PRKCA: variants seen among roughly 807,000 people sequenced by gnomAD.
PRKCA encodes the protein protein kinase C alpha, also known as protein kinase C alpha type.
A neutral mutation model predicts 87.0 loss-of-function variants in PRKCA; 27 were observed. That is an observed-to-expected ratio of 0.31 (90% CI 0.23 to 0.43). PRKCA has a LOEUF of 0.43. PRKCA is among the 20% of genes least tolerant of loss of function. The probability of loss-of-function intolerance (pLI) is 1.00; values close to 1 mark genes in which losing one functional copy is unlikely to be tolerated. For synonymous variants in PRKCA, 329 were observed against 311.1 expected (o/e 1.06, Z -0.61); for missense variants, 518 against 852.3 (o/e 0.61, Z 4.88).
Position 66,753,256 on chromosome 17 carries a change from G to A in PRKCA, c.1524+10496G>A, listed in dbSNP as rs538562238. ...AATGCCCACTCACAGCCTGCTCTCC[G>A]ACCCCTTTTAGACAACAACCTGGGT... On this transcript the variant is annotated intron_variant, in intron 13 of 16. Coordinates refer to ENST00000413366, the MANE Select transcript of PRKCA (RefSeq NM_002737.3). 2.7e-3 allele frequency among the ~76,000 whole-genome samples: 415 copies of A among 152,274 alleles called. 5 individuals carry two copies. Among genetic ancestry groups the A allele is most frequent in the Non-Finnish European group, 2.5e-3 (172 of 68,034 alleles).
At chr17:66,478,297 C>A (rs767462749) in intron 2 of PRKCA, among the ~76,000 whole-genome samples, 3 of 152,012 alleles carry the variant, frequency 2.0e-5, no homozygotes, top group Non-Finnish European at 4.4e-5. Context: ...TCTTGTTGCC[C>A]AGACTGGAGT....
rs564553927 is a variant in PRKCA at position 66,469,330 on chromosome 17, G to A, written c.206-26871G>A. ...CCTGAGTGATTATTTGTTTAGTGTAGGAGTAAATATGAGGGGTGCTGTGTT... is the reference window on the plus strand; with the variant it reads ...CCTGAGTGATTATTTGTTTAGTGTAAGAGTAAATATGAGGGGTGCTGTGTT... On this transcript the variant is annotated intron_variant, in intron 2 of 16. Transcript: ENST00000413366. 2.0e-5 allele frequency among the ~76,000 whole-genome samples: 3 copies of A among 152,244 alleles called. No individual in the cohort carries two copies. The South Asian group carries it at 6.2e-4, about 32-fold the overall frequency.
chr17:66,691,046 C>T (rs1010308869), intron 8 of PRKCA, among the ~76,000 whole-genome samples: 1 of 151,654 alleles, frequency 6.6e-6, no homozygotes, highest in Admixed American at 6.6e-5. Context: ...TGAACCTGGG[C>T]ACGAGAATCA....
chr17:66,576,746 G>C (rs1309127839), intron 3 of PRKCA, among the ~76,000 whole-genome samples: 1 of 152,150 alleles, frequency 6.6e-6, no homozygotes, highest in Admixed American at 6.5e-5. Flanking sequence ...GCCTGTTCCT[G>C]TCTCCTGAGT....
intron 2 of PRKCA, among the ~76,000 whole-genome samples, chr17:66,383,625 T>C (rs1201396666): frequency 1.3e-5 from 2 of 152,188 alleles, no homozygotes; most frequent in East Asian, 3.8e-4. Flanking sequence ...ATTGCGATAG[T>C]TTCAACTTTC....
At chr17:66,341,733 T>C (rs1907055025) in intron 2 of PRKCA, among the ~76,000 whole-genome samples, 1 of 152,200 alleles carries the variant, frequency 6.6e-6, no homozygotes, top group African/African-American at 2.4e-5. Context: ...AGCTTAGAAT[T>C]TGAGATTGAA....
At chr17:66,721,780 G>A (rs937919126) in intron 8 of PRKCA, among the ~76,000 whole-genome samples, 2 of 152,128 alleles carry the variant, frequency 1.3e-5, no homozygotes, top group Non-Finnish European at 2.9e-5. Flanking sequence ...GGTCTTTATG[G>A]TCTGTACCTT....
chr17:66,574,449 T>C (rs1678240632), intron 3 of PRKCA, among the ~76,000 whole-genome samples: 1 of 152,130 alleles, frequency 6.6e-6, no homozygotes, highest in African/African-American at 2.4e-5. Flanking sequence ...TACAATGTAA[T>C]TTAATATGCA....
chr17:66,742,842 C>T (rs948493405), intron 13 of PRKCA, 82 bp downstream of exon 13: 25 of 1,483,496 alleles, frequency 1.7e-5, no homozygotes, highest in South Asian at 3.8e-5. Context: ...GGGTCACTGG[C>T]GAATCATGAA....
At chr17:66,374,419 G>A (rs1235049314) in intron 2 of PRKCA, among the ~76,000 whole-genome samples, 1 of 152,178 alleles carries the variant, frequency 6.6e-6, no homozygotes, top group Admixed American at 6.5e-5. Flanking sequence ...GTGCTATCAA[G>A]GTCACACGGG....
At chr17:66,399,892 T>A (rs945090642) in intron 2 of PRKCA, among the ~76,000 whole-genome samples, 4 of 152,138 alleles carry the variant, frequency 2.6e-5, no homozygotes, top group Admixed American at 2.6e-4. Flanking sequence ...AGATTGGGGA[T>A]TTTTTTAGAT....
intron 2 of PRKCA, among the ~76,000 whole-genome samples, chr17:66,452,897 A>G (rs1914394417): frequency 6.6e-6 from 1 of 152,188 alleles, no homozygotes; most frequent in African/African-American, 2.4e-5. Flanking sequence ...AACAAAACAC[A>G]TAACTAGAAA....
At chr17:66,388,837 C>T (rs1309191290) in intron 2 of PRKCA, among the ~76,000 whole-genome samples, 1 of 152,132 alleles carries the variant, frequency 6.6e-6, no homozygotes, top group Non-Finnish European at 1.5e-5. Context: ...GACAGTGTAC[C>T]AGAAGTCATT....
chr17:66,632,287 G>C (rs1971037787), intron 3 of PRKCA, among the ~76,000 whole-genome samples: 2 of 152,188 alleles, frequency 1.3e-5, no homozygotes, highest in Admixed American at 1.3e-4. Context: ...AACCTAATCT[G>C]TCCCCACACT....
At chr17:66,744,862 A>G (rs1974237591) in intron 13 of PRKCA, among the ~76,000 whole-genome samples, 1 of 152,184 alleles carries the variant, frequency 6.6e-6, no homozygotes, top group South Asian at 2.1e-4. Flanking sequence ...CTTTTCCAAC[A>G]TCAAGAGGCC....
At chr17:66,657,716 C>G (rs973534618) in intron 5 of PRKCA, among the ~76,000 whole-genome samples, 2 of 152,268 alleles carry the variant, frequency 1.3e-5, no homozygotes, top group South Asian at 4.1e-4. Context: ...GAAATAGCAC[C>G]AGAGCCCTCC....
chr17:66,381,039 A>C (rs1047320667), intron 2 of PRKCA, among the ~76,000 whole-genome samples: 9 of 151,514 alleles, frequency 5.9e-5, no homozygotes, highest in Non-Finnish European at 1.0e-4. Flanking sequence ...TCCTGGGCTC[A>C]AGAGATCCTC....
At chr17:66,800,908 TAGTG>T (rs1364470003) in intron 16 of PRKCA, among the ~76,000 whole-genome samples, 21 of 152,354 alleles carry the variant, frequency 1.4e-4, no homozygotes, top group Non-Finnish European at 8.8e-5. Flanking sequence ...TTTGCATGGT[TAGTG>T]AGTATCAAGA....
At chr17:66,552,855 A>G (rs11871291) in intron 3 of PRKCA, among the ~76,000 whole-genome samples, 29,087 of 152,188 alleles carry the variant, frequency 0.19, 3,118 homozygotes, top group African/African-American at 0.28. Context: ...CCCGCCATGT[A>G]TGATGAAATA....
Sources: allele counts gnomAD v4.1 joint callset (sites outside exome capture counted in the v4.1 genomes callset), GRCh38; gene constraint gnomAD v4.1.1; transcripts MANE v1.5; gene names NCBI Gene and HGNC (gene_info 2026-07-23, HGNC 2026-07-21).